RIT2: variants seen among roughly 807,000 people sequenced by gnomAD.
The protein encoded by RIT2 is GTP-binding protein Rit2.
In RIT2, 24 loss-of-function variants were observed where a neutral mutation model predicts 23.7. The observed-to-expected ratio is 1.01, with a 90% CI of 0.73 to 1.43. The LOEUF (loss-of-function observed/expected upper bound fraction) is 1.43, where lower values mean the gene tolerates loss of function less well. RIT2 is among the 40% of genes most tolerant of loss of function. The probability of loss-of-function intolerance (pLI) is 0.00; values close to 1 mark genes in which losing one functional copy is unlikely to be tolerated. For missense variants in RIT2, 236 were observed against 266.9 expected (o/e 0.88, Z 0.81); for synonymous variants, 107 against 91.1 (o/e 1.17, Z -0.99).
At chr18:43,100,089 T>C (rs1480719095) in intron 1 of RIT2, among the ~76,000 whole-genome samples, 1 of 152,022 alleles carries the variant, frequency 6.6e-6, no homozygotes, top group Non-Finnish European at 1.5e-5. Context: ...GTTATTACAT[T>C]GGAAAGCAAT....
intron 2 of RIT2, among the ~76,000 whole-genome samples, chr18:43,027,556 T>A (rs951852004): frequency 6.6e-6 from 1 of 151,966 alleles, no homozygotes; most frequent in African/African-American, 2.4e-5. Context: ...TAGAAGTATC[T>A]TCTGGGTGGG....
chr18:42,757,371 G>A (rs1913188229), intron 4 of RIT2, among the ~76,000 whole-genome samples: 1 of 152,198 alleles, frequency 6.6e-6, no homozygotes, highest in South Asian at 2.1e-4. Flanking sequence ...CTAGGGACCA[G>A]AGTAGCAGAT....
chr18:42,940,270 GCA>G (rs1380092821), intron 3 of RIT2, among the ~76,000 whole-genome samples: 5 of 62,264 alleles, frequency 8.0e-5, no homozygotes, highest in Non-Finnish European at 1.5e-4. Context: ...ATATATATAT[GCA>G]CACACACATT....
intron 1 of RIT2, among the ~76,000 whole-genome samples, chr18:43,091,643 T>C (rs1913425869): frequency 6.6e-6 from 1 of 152,012 alleles, no homozygotes; most frequent in South Asian, 2.1e-4. Flanking sequence ...TTAAACTGGA[T>C]TGTTCTCCGG....
chr18:42,926,536 A>T (rs1909184847), intron 3 of RIT2, among the ~76,000 whole-genome samples: 1 of 152,012 alleles, frequency 6.6e-6, no homozygotes. Context: ...CAACAAAAAT[A>T]TACCATAATG....
intron 4 of RIT2, among the ~76,000 whole-genome samples, chr18:42,863,685 A>G (rs1240486172): frequency 6.6e-6 from 1 of 152,170 alleles, no homozygotes. Flanking sequence ...CTCCTAGTAT[A>G]TTCATTGGAA....
intron 4 of RIT2, among the ~76,000 whole-genome samples, chr18:42,821,583 T>C (rs1360253828): frequency 2.6e-5 from 4 of 151,916 alleles, no homozygotes; most frequent in Non-Finnish European, 5.9e-5. Flanking sequence ...ATCTAGTGAG[T>C]AGAAGGCACG....
At chr18:42,770,213 C>G (rs1205239754) in intron 4 of RIT2, among the ~76,000 whole-genome samples, 1 of 152,134 alleles carries the variant, frequency 6.6e-6, no homozygotes, top group East Asian at 1.9e-4. Context: ...GACAAGCTAA[C>G]ATAACACAAA....
At chr18:42,747,638 A>G (rs1912949227) in intron 4 of RIT2, among the ~76,000 whole-genome samples, 1 of 151,940 alleles carries the variant, frequency 6.6e-6, no homozygotes, top group Admixed American at 6.6e-5. Flanking sequence ...TTACATTGAA[A>G]CTATACTATA....
intron 4 of RIT2, among the ~76,000 whole-genome samples, chr18:42,886,475 A>G (rs1449314525): frequency 6.6e-6 from 1 of 152,200 alleles, no homozygotes; most frequent in Non-Finnish European, 1.5e-5. Context: ...CTGCTATGGA[A>G]TAGAGAGATT....
chr18:42,838,841 C>A (rs1906686561), intron 4 of RIT2, among the ~76,000 whole-genome samples: 2 of 152,056 alleles, frequency 1.3e-5, no homozygotes, highest in South Asian at 4.1e-4. Flanking sequence ...TATTTACAAC[C>A]AAAAAGAACA....
intron 2 of RIT2, among the ~76,000 whole-genome samples, chr18:43,021,381 A>G (rs1911594178): frequency 6.6e-6 from 1 of 152,074 alleles, no homozygotes; most frequent in Non-Finnish European, 1.5e-5. Context: ...GTGAAAAAAT[A>G]ACAGATCCCG....
intron 4 of RIT2, among the ~76,000 whole-genome samples, chr18:42,902,645 A>T (rs113948949): frequency 0.01 from 1,530 of 151,740 alleles, 22 homozygotes; most frequent in African/African-American, 0.034. Context: ...TATACAAAGC[A>T]TTGTTTGTCA....
intron 2 of RIT2, among the ~76,000 whole-genome samples, chr18:43,026,608 G>GAAAT (rs1336515740): frequency 6.4e-5 from 9 of 140,306 alleles, no homozygotes; most frequent in African/African-American, 2.3e-4. Context: ...AAGAAAGAAA[G>GAAAT]AAAGAAAGAA....
At chr18:43,034,894 C>A (rs569288254) in intron 1 of RIT2, among the ~76,000 whole-genome samples, 2 of 152,214 alleles carry the variant, frequency 1.3e-5, no homozygotes, top group South Asian at 2.1e-4. Flanking sequence ...ACAGGTGTAA[C>A]CCCTCCCCTC....
chr18:42,881,807 T>TTCC (rs2144080285), intron 4 of RIT2, among the ~76,000 whole-genome samples: 1 of 152,294 alleles, frequency 6.6e-6, no homozygotes, highest in East Asian at 1.9e-4. Context: ...ATCAAGAGTT[T>TTCC]TCCAAGGTCC....
At chr18:43,058,497 G>T (rs1598765401) in intron 1 of RIT2, among the ~76,000 whole-genome samples, 1 of 152,074 alleles carries the variant, frequency 6.6e-6, no homozygotes, top group Non-Finnish European at 1.5e-5. Context: ...CAGAAGATTT[G>T]ATACGTCCTT....
At chr18:42,915,050 C>T (rs1285734532) in intron 4 of RIT2, among the ~76,000 whole-genome samples, 1 of 151,662 alleles carries the variant, frequency 6.6e-6, no homozygotes, top group Admixed American at 6.6e-5. Flanking sequence ...GCTAGTGCTC[C>T]TGATTCTGAG....
intron 1 of RIT2, among the ~76,000 whole-genome samples, chr18:43,043,314 C>G (rs1912171705): frequency 6.6e-6 from 1 of 152,156 alleles, no homozygotes; most frequent in Admixed American, 6.6e-5. Context: ...AAGCCAGACT[C>G]TTTCCATTGT....
Sources: allele counts gnomAD v4.1 joint callset (sites outside exome capture counted in the v4.1 genomes callset), GRCh38; gene constraint gnomAD v4.1.1; transcripts MANE v1.5; gene names NCBI Gene and HGNC (gene_info 2026-07-23, HGNC 2026-07-21).